TERB1: variants seen among roughly 807,000 people sequenced by gnomAD.
TERB1 encodes the protein telomere repeats-binding bouquet formation protein 1.
A neutral mutation model predicts 92.3 loss-of-function variants in TERB1; 63 were observed. That is an observed-to-expected ratio of 0.68 (90% CI 0.56 to 0.84). The LOEUF is 0.84. Among genes scored for constraint, TERB1 ranks in the 40% least tolerant of loss-of-function variants. The pLI, the probability that TERB1 is intolerant of heterozygous loss-of-function variation, is 0.00. For missense variants in TERB1, 709 were observed against 843.7 expected, an observed-to-expected ratio of 0.84 and a Z score of 1.98; for synonymous variants, 252 against 283.9, an observed-to-expected ratio of 0.89 and a Z score of 1.13.
upstream of TERB1, among the ~76,000 whole-genome samples, chr16:66,802,011 G>T (rs1959342749): frequency 6.6e-6 from 1 of 152,322 alleles, no homozygotes; most frequent in Non-Finnish European, 1.5e-5. Context: ...GGGGGCTTCC[G>T]GAGTTCAGTC....
intron 3 of TERB1, among the ~76,000 whole-genome samples, chr16:66,794,912 A>ACACACACAC (rs1252457237): frequency 2.6e-4 from 19 of 71,944 alleles, no homozygotes; most frequent in African/African-American, 5.5e-4. Flanking sequence ...TCCGTCTCAA[A>ACACACACAC]AAAAAAAAAA....
Position 66,778,927 on chromosome 16 carries a change from A to T in TERB1, c.789T>A (p.Thr263=). The change falls in exon 10 of 19, where the codon ACT becomes ACA. Residue 263 remains threonine (T), a synonymous_variant. Coordinates refer to ENST00000433154, the MANE Select transcript of TERB1 (RefSeq NM_001136505.2). Reference sequence around the variant, plus strand: ...CCACTGCAAGTTTAGCACTGGAAAGAGTCTCATGTGAATCAGATTCCAGCT... The same window carrying T: ...CCACTGCAAGTTTAGCACTGGAAAGTGTCTCATGTGAATCAGATTCCAGCT... ...LMQLESDSHE[T]LSSAKLAVVV... 1 of 1,537,414 alleles carries T rather than the reference A, an allele frequency of 6.5e-7. No individual in the cohort carries two copies. The highest frequency in any genetic ancestry group is 8.8e-7 in the Non-Finnish European group (1 of 1,135,392).
chr16:66,764,791 T>C (rs2018310604), intron 16 of TERB1, among the ~76,000 whole-genome samples: 1 of 152,170 alleles, frequency 6.6e-6, no homozygotes. Flanking sequence ...AGAAATGCAG[T>C]GAGTTGGGAG....
intron 2 of TERB1, among the ~76,000 whole-genome samples, chr16:66,800,584 C>G (rs1959249409): frequency 6.6e-6 from 1 of 151,476 alleles, no homozygotes; most frequent in Non-Finnish European, 1.5e-5. Flanking sequence ...AAATATTATC[C>G]CAGTATATCA....
intron 3 of TERB1, among the ~76,000 whole-genome samples, chr16:66,794,665 C>T (rs577533537): frequency 2.8e-4 from 42 of 152,168 alleles, no homozygotes; most frequent in African/African-American, 9.6e-4. Context: ...AATCCCAGCA[C>T]TTTGGGAGGC....
intron 9 of TERB1, among the ~76,000 whole-genome samples, chr16:66,784,715 T>G (rs1209348327): frequency 6.6e-6 from 1 of 151,788 alleles, no homozygotes; most frequent in Non-Finnish European, 1.5e-5. Flanking sequence ...AAACACTGTT[T>G]CGCAGCATCC....
Position 66,772,742 on chromosome 16 carries a change from T to C in TERB1, c.1119A>G (p.Lys373=), listed in dbSNP as rs1413892258. Residue 373 remains lysine, a synonymous_variant, in exon 13 of 19, where the codon AAA becomes AAG. Coordinates refer to ENST00000433154, the MANE Select transcript of TERB1 (RefSeq NM_001136505.2). ...GATATTCTCCTAGACTTAGAGATAATTTCTCAGCTTTGTAGTATGGGAAAA... is the reference window on the plus strand; with the variant it reads ...GATATTCTCCTAGACTTAGAGATAACTTCTCAGCTTTGTAGTATGGGAAAA... ...VLHNCKKITE[K]LSLSLGEYPF... 1 of 1,539,922 alleles carries C rather than the reference T, an allele frequency of 6.5e-7. No homozygotes were observed.
intron 16 of TERB1, among the ~76,000 whole-genome samples, chr16:66,762,106 T>C (rs2018261766): frequency 6.6e-6 from 1 of 152,228 alleles, no homozygotes; most frequent in African/African-American, 2.4e-5. Context: ...GAGTCCCTGT[T>C]AAGGGAAGAT....
Position 66,790,944 on chromosome 16 carries a change from G to C in TERB1, c.107C>G (p.Ala36Gly). ...QMDNAFSQKE[A>G]LVTIHSICQQ... ...ACAAATTGAATGAATAGTGACCAAA[G>C]CTTCCTTTTGTGAAAAAGCATTGTC... The change falls in exon 4 of 19, where the codon GCT becomes GGT. Residue 36 changes from alanine to glycine, a missense_variant. By Grantham distance (60) the Ala-to-Gly change is moderately conservative. Transcript: ENST00000433154. 6.5e-7 allele frequency: 1 copy of C among 1,549,220 alleles called. No individual in the cohort carries two copies. Among genetic ancestry groups the C allele is most frequent in the Non-Finnish European group, 8.7e-7 (1 of 1,145,528 alleles).
intron 12 of TERB1, among the ~76,000 whole-genome samples, chr16:66,773,228 G>A (rs897551890): frequency 4.6e-5 from 7 of 151,606 alleles, no homozygotes; most frequent in Non-Finnish European, 2.9e-5. Flanking sequence ...CAGATAATCT[G>A]GAAGTTAAGG....
chr16:66,786,020 G>T lies in TERB1; in HGVS notation c.571C>A (p.Gln191Lys). 1 of 1,544,398 alleles carries T rather than the reference G, an allele frequency of 6.5e-7. No homozygotes were observed. The highest frequency in any genetic ancestry group is 8.7e-7 in the Non-Finnish European group (1 of 1,143,192). ...AAACATGACAGATAATTACCATTTTGAGGATTGTTGACACAGACACACAGA... is the reference window on the plus strand; with the variant it reads ...AAACATGACAGATAATTACCATTTTTAGGATTGTTGACACAGACACACAGA... ...STLCVCVNNP[Q>K]NDENQMFCCS... The change falls in exon 8 of 19, where the codon CAA (glutamine) becomes AAA (lysine). Residue 191 changes from glutamine to lysine, a missense_variant. By Grantham distance (53) the Gln-to-Lys change is moderately conservative (BLOSUM62 1). Coordinates refer to ENST00000433154, the MANE Select transcript of TERB1 (RefSeq NM_001136505.2).
At chr16:66,773,550 T>C (rs2018491222) in intron 12 of TERB1, among the ~76,000 whole-genome samples, 3 of 152,134 alleles carry the variant, frequency 2.0e-5, no homozygotes, top group Admixed American at 1.3e-4. Context: ...TCACTGTTGC[T>C]TATGCTTGAG....
At position 66,782,360 on chromosome 16, in the gene TERB1, G is replaced by T. The variant is rs556799592; in HGVS notation, c.701-3345C>A. On this transcript the variant is annotated intron_variant, in intron 9 of 18. Coordinates refer to ENST00000433154, the MANE Select transcript of TERB1 (RefSeq NM_001136505.2). ...AGATTAGGAGTTCAAGACCAGCCTG[G>T]CCAACATGGTGAAACCCCATCTCTA... is the stretch of plus-strand genomic sequence containing the variant. Among the ~76,000 whole-genome samples, 9 of 152,172 alleles carry T rather than the reference G, an allele frequency of 5.9e-5. No homozygotes were observed. In the East Asian group the frequency reaches 1.7e-3, roughly 29 times the overall value.
intron 3 of TERB1, among the ~76,000 whole-genome samples, chr16:66,796,309 C>T (rs951604450): frequency 6.6e-6 from 1 of 152,202 alleles, no homozygotes; most frequent in African/African-American, 2.4e-5. Context: ...CAAGATACCA[C>T]ATTCCTCTCT....
In TERB1 at chr16:66,785,802, G is replaced by A. The variant is rs1282096644; in HGVS notation, c.684C>T (p.Leu228=). 6.5e-7 allele frequency: 1 copy of A among 1,543,604 alleles called. No homozygotes were observed. Among genetic ancestry groups the A allele is most frequent in the East Asian group, 2.5e-5 (1 of 40,720 alleles). ...AACACTTACTGTTATTTGCAAGAGT[G>A]AGTCCAATAAATGAGCAAATAGGGC... The part of the protein sequence containing the change: ...IIRPICSFIG[L]TLANNTYVQK... The change falls in exon 9 of 19, where the codon CTC becomes CTT. Residue 228 remains leucine (L), a synonymous_variant. Transcript: ENST00000433154.
chr16:66,781,580 C>T lies in TERB1; in HGVS notation c.701-2565G>A, dbSNP rs899992297. Among the ~76,000 whole-genome samples the T allele has an allele frequency of 3.6e-5, 5 of 139,502 alleles. 1 individual carries two copies. The highest frequency in any genetic ancestry group is 2.2e-4 in the East Asian group (1 of 4,568). 91.5% of individuals were successfully genotyped at this position (139,502 alleles called of 152,430 possible). ...TGTAGCCCAGGCTGGAGTGCAGTGG[C>T]GCAATCTTGGCTCACTGCAAGCTCC... On this transcript the variant is annotated intron_variant, in intron 9 of 18. Transcript: ENST00000433154.
intron 1 of TERB1, 95 bp downstream of exon 1, chr16:66,801,373 C>G (rs1269341623): frequency 1.3e-5 from 2 of 152,474 alleles, no homozygotes; most frequent in East Asian, 3.9e-4. Context: ...AGGCCCCGTC[C>G]CCCCAACTCG....
intron 10 of TERB1, among the ~76,000 whole-genome samples, chr16:66,778,121 A>C (rs1169549662): frequency 6.6e-6 from 1 of 150,396 alleles, no homozygotes; most frequent in African/African-American, 2.5e-5. Flanking sequence ...CCATGAGTTC[A>C]AGTCTGGTTC....
chr16:66,763,436 C>A (rs2018286446), intron 16 of TERB1, among the ~76,000 whole-genome samples: 1 of 152,066 alleles, frequency 6.6e-6, no homozygotes, highest in South Asian at 2.1e-4. Flanking sequence ...TGTTGTGTGT[C>A]CTATAAACTA....
Sources: gnomAD v4.1 joint callset for allele counts (sites outside exome capture counted in the v4.1 genomes callset) on GRCh38, gnomAD v4.1.1 for gene constraint, MANE v1.5 for transcripts, NCBI Gene and HGNC (gene_info 2026-07-23, HGNC 2026-07-21) for gene names.